ATP8B4: variants seen among roughly 807,000 people sequenced by gnomAD.
ATP8B4 encodes ATPase phospholipid transporting 8B4 (putative).
ATP8B4 carries 133 observed loss-of-function variants against 145.6 expected under a neutral mutation model. That is an observed-to-expected ratio of 0.91 (90% CI 0.79 to 1.05). The LOEUF (loss-of-function observed/expected upper bound fraction) is 1.05, where lower values mean the gene tolerates loss of function less well. Among genes scored for constraint, ATP8B4 ranks in the 50% least tolerant of loss-of-function variants. ATP8B4 has a pLI of 0.00. For synonymous variants in ATP8B4, 507 were observed against 492.9 expected (o/e 1.03, Z -0.38); for missense variants, 1,458 against 1,425.2 (o/e 1.02, Z -0.37).
intron 2 of ATP8B4, among the ~76,000 whole-genome samples, chr15:50,089,697 T>C (rs952325751): frequency 1.3e-5 from 2 of 151,854 alleles, no homozygotes; most frequent in African/African-American, 4.8e-5. Context: ...AGAGTCTCAC[T>C]CTGTCTCCCA....
intron 1 of ATP8B4, among the ~76,000 whole-genome samples, chr15:50,147,042 A>G (rs531878595): frequency 6.6e-6 from 1 of 152,170 alleles, no homozygotes; most frequent in African/African-American, 2.4e-5. Flanking sequence ...TAAAAGAGAT[A>G]TGGAGTAAAG....
intron 9 of ATP8B4, 113 bp downstream of exon 9, chr15:49,996,564 A>AT: frequency 1.2e-6 from 1 of 865,856 alleles, no homozygotes; most frequent in Non-Finnish European, 1.7e-6. Flanking sequence ...TGCCTGGAGA[A>AT]TTTGATGTCC....
At chr15:50,126,442 C>A (rs2057308076) in intron 1 of ATP8B4, among the ~76,000 whole-genome samples, 1 of 152,100 alleles carries the variant, frequency 6.6e-6, no homozygotes, top group Non-Finnish European at 1.5e-5. Context: ...GATCCCAATC[C>A]AGATCCCAAG....
intron 11 of ATP8B4, among the ~76,000 whole-genome samples, chr15:49,980,299 C>T (rs146252891): frequency 3.9e-4 from 60 of 152,208 alleles, no homozygotes; most frequent in African/African-American, 1.4e-3. Context: ...ATCAGGTAAG[C>T]AAATACATAT....
intron 25 of ATP8B4, among the ~76,000 whole-genome samples, chr15:49,874,327 A>G (rs2034074114): frequency 6.6e-6 from 1 of 152,224 alleles, no homozygotes; most frequent in African/African-American, 2.4e-5. Context: ...CTCTGAAGAA[A>G]TGACATGTGA....
At chr15:49,901,442 G>C (rs755994646) in intron 20 of ATP8B4, among the ~76,000 whole-genome samples, 16 of 152,158 alleles carry the variant, frequency 1.1e-4, no homozygotes, top group Non-Finnish European at 2.4e-4. Context: ...GGATGTAGGA[G>C]AGTAAACATA....
chr15:50,085,937 TTA>T lies in ATP8B4; in HGVS notation c.29-11754_29-11753del, dbSNP rs1334746834. Among the ~76,000 whole-genome samples, 14 of 71,646 alleles carry T rather than the reference TTA, an allele frequency of 2.0e-4. 1 individual carries two copies. The highest frequency in any genetic ancestry group is 8.9e-4 in the African/African-American group (11 of 12,426). 47.0% of individuals were successfully genotyped at this position (71,646 alleles called of 152,430 possible). On this transcript the variant is annotated intron_variant, in intron 2 of 27. Coordinates refer to ENST00000284509, the MANE Select transcript of ATP8B4 (RefSeq NM_024837.4). The stretch of plus-strand genomic sequence containing the variant: ...TATATATGATATATATCATATATAT[TTA>T]TATATGATATATATCATATATATTT...
chr15:49,929,314 G>A (rs2041033688), intron 16 of ATP8B4, among the ~76,000 whole-genome samples: 1 of 152,056 alleles, frequency 6.6e-6, no homozygotes, highest in Admixed American at 6.5e-5. Flanking sequence ...TCTTAAATGG[G>A]ACATGCATGT....
At chr15:50,119,752 C>CTTTTT (rs572570694), upstream of ATP8B4, among the ~76,000 whole-genome samples, 34 of 91,596 alleles carry the variant, frequency 3.7e-4, no homozygotes, top group East Asian at 3.8e-3. Flanking sequence ...GTTTTTGTCA[C>CTTTTT]TTTTTTTTTT....
chr15:50,039,725 T>A (rs1204883437), intron 5 of ATP8B4, among the ~76,000 whole-genome samples: 2 of 147,012 alleles, frequency 1.4e-5, no homozygotes, highest in Non-Finnish European at 1.5e-5. Flanking sequence ...TGTTTTCTTT[T>A]TTTCTTAAAT....
chr15:50,148,698 TA>T (rs1195625431), intron 1 of ATP8B4, among the ~76,000 whole-genome samples: 1 of 152,204 alleles, frequency 6.6e-6, no homozygotes, highest in Non-Finnish European at 1.5e-5. Flanking sequence ...CAGTCTAAGG[TA>T]CTCTGTAATA....
chr15:49,929,088 C>A (rs1036651993), intron 16 of ATP8B4, among the ~76,000 whole-genome samples: 1 of 152,052 alleles, frequency 6.6e-6, no homozygotes, highest in Non-Finnish European at 1.5e-5. Context: ...CCTGGTGACG[C>A]TGATGGGAGG....
intron 25 of ATP8B4, among the ~76,000 whole-genome samples, chr15:49,874,749 A>G (rs2034148160): frequency 6.6e-6 from 1 of 152,214 alleles, no homozygotes; most frequent in Non-Finnish European, 1.5e-5. Flanking sequence ...GAAGCTTTTA[A>G]AATAAACTTT....
At chr15:50,077,442 G>C (rs1216779334) in intron 2 of ATP8B4, among the ~76,000 whole-genome samples, 1 of 152,164 alleles carries the variant, frequency 6.6e-6, no homozygotes, top group African/African-American at 2.4e-5. Context: ...AAGCAGATGA[G>C]ATCATTTTGA....
intron 6 of ATP8B4, among the ~76,000 whole-genome samples, chr15:50,014,662 C>T (rs1459997820): frequency 2.0e-5 from 3 of 152,016 alleles, no homozygotes; most frequent in Non-Finnish European, 1.5e-5. Flanking sequence ...CACATTTATA[C>T]AAAAACATTA....
At chr15:50,075,901 C>T (rs2153637226) in intron 2 of ATP8B4, among the ~76,000 whole-genome samples, 1 of 152,256 alleles carries the variant, frequency 6.6e-6, no homozygotes, top group South Asian at 2.1e-4. Flanking sequence ...AGTAAAATTG[C>T]TGACAGGAAA....
intron 1 of ATP8B4, among the ~76,000 whole-genome samples, chr15:50,153,899 A>G (rs79125956): frequency 0.01 from 1,547 of 152,330 alleles, 31 homozygotes; most frequent in African/African-American, 0.036. Context: ...AGAATTAAAA[A>G]TCAAAGCCTC....
intron 23 of ATP8B4, 60 bp downstream of exon 23, chr15:49,897,232 T>G: frequency 6.1e-6 from 9 of 1,471,086 alleles, no homozygotes; most frequent in Non-Finnish European, 8.4e-6. Context: ...GAAGAGTCAT[T>G]TGTAATATCA....
chr15:50,125,261 C>A (rs966446066), intron 1 of ATP8B4, among the ~76,000 whole-genome samples: 1 of 152,274 alleles, frequency 6.6e-6, no homozygotes. Flanking sequence ...CACTTAGGGT[C>A]TTTTAACACT....
Sources: allele counts gnomAD v4.1 joint callset (sites outside exome capture counted in the v4.1 genomes callset), GRCh38; gene constraint gnomAD v4.1.1; transcripts MANE v1.5; gene names NCBI Gene and HGNC (gene_info 2026-07-23, HGNC 2026-07-21).